VGLL4: variants seen among roughly 807,000 people sequenced by gnomAD.
VGLL4 encodes the protein vestigial like family member 4.
A neutral mutation model predicts 21.0 loss-of-function variants in VGLL4; 7 were observed. That is an observed-to-expected ratio of 0.33 (90% confidence interval 0.19 to 0.63). VGLL4 has a LOEUF of 0.63. Ranked by LOEUF, VGLL4 falls within the 20% of genes least tolerant of loss-of-function variation. The probability of loss-of-function intolerance (pLI) is 0.78; values close to 1 mark genes in which losing one functional copy is unlikely to be tolerated. For missense variants in VGLL4, 394 were observed against 425.7 expected (o/e 0.93, Z 0.66); for synonymous variants, 222 against 173.2 (o/e 1.28, Z -2.21).
At chr3:11,623,670 G>A (rs928600743) in intron 1 of VGLL4, among the ~76,000 whole-genome samples, 9 of 152,180 alleles carry the variant, frequency 5.9e-5, no homozygotes, top group Middle Eastern at 6.8e-3. Context: ...AAACCTGATC[G>A]TGATTTAAAG....
intron 2 of VGLL4, among the ~76,000 whole-genome samples, chr3:11,676,408 A>T (rs200308178): frequency 0.016 from 547 of 34,460 alleles, 5 homozygotes; most frequent in African/African-American, 0.028. Flanking sequence ...AAAAAAAAAA[A>T]AATAAAATAA....
intron 2 of VGLL4, among the ~76,000 whole-genome samples, chr3:11,687,288 C>G (rs1040051365): frequency 6.6e-6 from 1 of 152,140 alleles, no homozygotes; most frequent in African/African-American, 2.4e-5. Context: ...ATGTAACTGA[C>G]ATCTTTGACT....
chr3:11,601,817 G>A lies in VGLL4; in HGVS notation c.272+16C>T. Reference sequence around the variant, plus strand: ...ACGGAGCACCCTTAAGCCAAAATAAGAACAGAGGAACTCACAGATGGGGGT... The same window carrying A: ...ACGGAGCACCCTTAAGCCAAAATAAAAACAGAGGAACTCACAGATGGGGGT... On this transcript the variant is annotated intron_variant, in intron 2 of 4. Coordinates refer to ENST00000430365, the MANE Select transcript of VGLL4 (RefSeq NM_001128219.3). 6.2e-7 allele frequency: 1 copy of A among 1,612,982 alleles called. No individual in the cohort carries two copies. The highest frequency in any genetic ancestry group is 2.2e-5 in the East Asian group (1 of 44,708).
intron 2 of VGLL4, among the ~76,000 whole-genome samples, chr3:11,589,329 GA>G (rs1448831244): frequency 6.6e-6 from 1 of 152,086 alleles, no homozygotes; most frequent in Non-Finnish European, 1.5e-5. Context: ...GTCAAAGGAG[GA>G]CAGAACCTCA....
intron 1 of VGLL4, among the ~76,000 whole-genome samples, chr3:11,623,877 AC>A (rs1157863001): frequency 1.3e-5 from 2 of 151,964 alleles, no homozygotes; most frequent in East Asian, 3.9e-4. Context: ...AGCAGCTGGG[AC>A]TACAAGTGCC....
Position 11,643,615 on chromosome 3 carries a change from C to A in VGLL4, c.-97G>T. ...TGCTGAGTAGCTCCTGGCTCTTCAA[C>A]TTCACAAAGGCAGAGGCCCAGCCTC... On this transcript the variant is annotated 5_prime_UTR_variant, in exon 1 of 5. Transcript: ENST00000430365. 6.3e-7 allele frequency: 1 copy of A among 1,582,028 alleles called. No homozygotes were observed.
At chr3:11,628,732 A>G (rs1464735243) in intron 1 of VGLL4, among the ~76,000 whole-genome samples, 1 of 152,234 alleles carries the variant, frequency 6.6e-6, no homozygotes, top group African/African-American at 2.4e-5. Context: ...AGGCAGAAGA[A>G]TGGTGTGAAC....
intron 2 of VGLL4, among the ~76,000 whole-genome samples, chr3:11,582,052 C>T (rs1014590556): frequency 4.6e-5 from 7 of 152,192 alleles, no homozygotes; most frequent in Non-Finnish European, 8.8e-5. Context: ...TTCCAGTCCC[C>T]GCTTAGGAGA....
intron 2 of VGLL4, among the ~76,000 whole-genome samples, chr3:11,594,471 T>TA (rs2074585010): frequency 6.6e-6 from 1 of 152,186 alleles, no homozygotes; most frequent in South Asian, 2.1e-4. Flanking sequence ...AAGCACTCAA[T>TA]AAATGTTCCC....
At chr3:11,709,435 T>TCAAAAAAAAAAAAAAAAAAA (rs1228813940) in intron 1 of VGLL4, among the ~76,000 whole-genome samples, 10 of 108,854 alleles carry the variant, frequency 9.2e-5, no homozygotes, top group African/African-American at 3.3e-4. Context: ...AGACTCCGTC[T>TCAAAAAAAAAAAAAAAAAAA]AAAAAAAAAA....
intron 2 of VGLL4, among the ~76,000 whole-genome samples, chr3:11,656,908 A>G (rs2075967203): frequency 6.6e-6 from 1 of 152,136 alleles, no homozygotes. Flanking sequence ...GGGGTCTGGA[A>G]AGGAAGGACT....
At chr3:11,642,096 G>A (rs2075702405) in intron 1 of VGLL4, among the ~76,000 whole-genome samples, 1 of 151,804 alleles carries the variant, frequency 6.6e-6, no homozygotes, top group African/African-American at 2.4e-5. Flanking sequence ...GCCCAGCAAT[G>A]GCTGCTTACG....
At chr3:11,703,197 C>A in intron 1 of VGLL4, 1 of 692,762 alleles carries the variant, frequency 1.4e-6, no homozygotes. Flanking sequence ...ACAGAATGGG[C>A]TTGGTTCAGG....
chr3:11,627,051 T>G (rs980028003), intron 1 of VGLL4, among the ~76,000 whole-genome samples: 10 of 152,124 alleles, frequency 6.6e-5, no homozygotes, highest in Non-Finnish European at 1.0e-4. Context: ...GACTTGACCC[T>G]ATTCCAAATA....
intron 2 of VGLL4, among the ~76,000 whole-genome samples, chr3:11,689,041 G>T (rs971489487): frequency 5.3e-5 from 8 of 152,048 alleles, no homozygotes; most frequent in Admixed American, 2.0e-4. Context: ...GAGAGAGAGA[G>T]ATCAATTTTT....
chr3:11,715,215 AT>A (rs1469780469), intron 1 of VGLL4, among the ~76,000 whole-genome samples: 1 of 151,960 alleles, frequency 6.6e-6, no homozygotes, highest in Non-Finnish European at 1.5e-5. Flanking sequence ...CTAACTCTCC[AT>A]TGTTCCAAAA....
At chr3:11,683,790 A>C (rs1250912498) in intron 2 of VGLL4, among the ~76,000 whole-genome samples, 2 of 151,958 alleles carry the variant, frequency 1.3e-5, no homozygotes, top group East Asian at 1.9e-4. Context: ...GAAAAAAAAA[A>C]CCAAAAAACT....
chr3:11,566,304 C>T (rs532894058), intron 2 of VGLL4, among the ~76,000 whole-genome samples: 2 of 152,326 alleles, frequency 1.3e-5, no homozygotes, highest in Admixed American at 6.5e-5. Flanking sequence ...AAACAACACA[C>T]GGCCATCCCA....
chr3:11,570,742 G>A (rs772761770), intron 2 of VGLL4, among the ~76,000 whole-genome samples: 19 of 152,194 alleles, frequency 1.2e-4, no homozygotes, highest in Non-Finnish European at 2.8e-4. Context: ...ACAGTGGTGA[G>A]ATGTCTTCTC....
Sources: allele counts gnomAD v4.1 joint callset (sites outside exome capture counted in the v4.1 genomes callset), GRCh38; gene constraint gnomAD v4.1.1; transcripts MANE v1.5; gene names NCBI Gene and HGNC (gene_info 2026-07-23, HGNC 2026-07-21).